The following AMOTL2 variants were observed in gnomAD, a reference collection of about 807,000 sequenced individuals.
AMOTL2 encodes the protein angiomotin-like protein 2.
A neutral mutation model predicts 78.4 loss-of-function variants in AMOTL2; 33 were observed. That is an observed-to-expected ratio of 0.42 (90% CI 0.32 to 0.56). The LOEUF is 0.56. Among genes scored for constraint, AMOTL2 ranks in the 20% least tolerant of loss-of-function variants. AMOTL2 has a pLI of 0.12. For synonymous variants in AMOTL2, 422 were observed against 428.8 expected, an observed-to-expected ratio of 0.98 and a Z score of 0.20; for missense variants, 983 against 1,030.1, an observed-to-expected ratio of 0.95 and a Z score of 0.63.
upstream of AMOTL2, chr3:134,374,785 C>A: frequency 2.0e-6 from 2 of 1,022,098 alleles, no homozygotes; most frequent in Non-Finnish European, 2.3e-6. Flanking sequence ...TGCCCATTAT[C>A]GCCTCCACTC....
chr3:134,358,681 G>A lies in AMOTL2; in HGVS notation c.2143C>T (p.Pro715Ser). 6.2e-7 allele frequency: 1 copy of A among 1,614,186 alleles called. No homozygotes were observed. The highest frequency in any genetic ancestry group is 1.1e-5 in the South Asian group (1 of 91,078). ...CCGTGTTTGGCATGGGCAGCAGGGGGAGCTGTGACCACTGGCTCCTCTGTG... is the reference window on the plus strand; with the variant it reads ...CCGTGTTTGGCATGGGCAGCAGGGGAAGCTGTGACCACTGGCTCCTCTGTG... ...APTEEPVVTAPPAAHAKHGSR... is the reference protein window; with the variant it reads ...APTEEPVVTASPAAHAKHGSR... Residue 715 changes from proline (P) to serine (S), a missense_variant, in exon 9 of 10, where the codon CCC (proline) becomes TCC (serine). Transcript: ENST00000249883.
intron 1 of AMOTL2, 174 bp downstream of exon 1, chr3:134,374,167 CG>C (rs921700187): frequency 2.2e-6 from 2 of 892,390 alleles, no homozygotes; most frequent in Non-Finnish European, 2.7e-6. Context: ...CTGGGCAGAG[CG>C]GCCCTTGCCA....
Position 134,369,880 on chromosome 3 carries a change from T to G in AMOTL2, c.734+820A>C, listed in dbSNP as rs566818976. 4.6e-5 allele frequency among the ~76,000 whole-genome samples: 7 copies of G among 152,298 alleles called. No homozygotes were observed. In the South Asian group the frequency reaches 1.5e-3, roughly 32 times the overall value. On this transcript the variant is annotated intron_variant, in intron 2 of 9. Transcript: ENST00000249883. ...GAAGCGTGAGGCAGGGCCTTGTTTC[T>G]AGGAACACTTATTTCTCCAAACTCT...
At chr3:134,365,394 C>G (rs548095994) in intron 5 of AMOTL2, among the ~76,000 whole-genome samples, 106 of 152,286 alleles carry the variant, frequency 7.0e-4, no homozygotes, top group African/African-American at 2.4e-3. Flanking sequence ...ACCATGCCCC[C>G]CTACCTCTCA....
At chr3:134,368,133 C>G (rs2017692627) in intron 2 of AMOTL2, among the ~76,000 whole-genome samples, 1 of 152,084 alleles carries the variant, frequency 6.6e-6, no homozygotes, top group African/African-American at 2.4e-5. Context: ...CCTGGGCCTC[C>G]TAAGCAACTA....
chr3:134,369,397 T>C (rs1454603284), intron 2 of AMOTL2, among the ~76,000 whole-genome samples: 1 of 152,188 alleles, frequency 6.6e-6, no homozygotes, highest in Non-Finnish European at 1.5e-5. Context: ...CTCCTCGTCC[T>C]CTCCCTCCCC....
In AMOTL2 at chr3:134,370,994, A is replaced by G. The variant is rs774088841; in HGVS notation, c.440T>C (p.Leu147Pro). The change falls in exon 2 of 10, where the codon CTG becomes CCG. Residue 147 changes from leucine (L) to proline (P), a missense_variant. Physicochemically the swap from Leu to Pro is moderately conservative, Grantham distance 98 (BLOSUM62 -3). Transcript: ENST00000249883. ...CACGTGCCCATGCCTCAGCTCCCGCAGGGCCTCGTCCTGCCTCCGACTGCC... is the reference window on the plus strand; with the variant it reads ...CACGTGCCCATGCCTCAGCTCCCGCGGGGCCTCGTCCTGCCTCCGACTGCC... ...PGGSRRQDEALRELRHGHVRS... is the reference protein window; with the variant it reads ...PGGSRRQDEAPRELRHGHVRS... 5.0e-6 allele frequency: 8 copies of G among 1,603,608 alleles called. No individual in the cohort carries two copies. Among genetic ancestry groups the G allele is most frequent in the Admixed American group, 1.7e-5 (1 of 58,420 alleles).
chr3:134,361,472 C>T (rs1257877913), intron 6 of AMOTL2, 40 bp downstream of exon 6: 3 of 1,545,314 alleles, frequency 1.9e-6, no homozygotes, highest in Non-Finnish European at 2.6e-6. Context: ...AAGCCAACAT[C>T]CTCAGATGCT....
chr3:134,366,949 G>A (rs941731100), intron 3 of AMOTL2: 1 of 155,476 alleles, frequency 6.4e-6, no homozygotes, highest in African/African-American at 2.4e-5. Flanking sequence ...ACCAGGCAGA[G>A]CTGCCTCTGC....
At chr3:134,366,241 T>G (rs934451023) in intron 4 of AMOTL2, 42 bp downstream of exon 4, 3 of 1,603,956 alleles carry the variant, frequency 1.9e-6, no homozygotes, top group Non-Finnish European at 2.6e-6. Flanking sequence ...GTAAGTCCTC[T>G]GCAGAGGTTC....
intron 1 of AMOTL2, among the ~76,000 whole-genome samples, chr3:134,372,544 C>CACAA (rs1319777285): frequency 2.0e-4 from 31 of 151,770 alleles, no homozygotes; most frequent in African/African-American, 7.0e-4. Flanking sequence ...CACACACACA[C>CACAA]ACACACACAC....
In AMOTL2 at chr3:134,366,323, A is replaced by C. The variant is rs906853824; in HGVS notation, c.1146T>G (p.Ser382Arg). 5 of 1,613,904 alleles carry C rather than the reference A, an allele frequency of 3.1e-6. No homozygotes were observed. The African/African-American group carries it at 6.7e-5, about 22-fold the overall frequency. ...TGAAGTCTTGCAGCCTCCTCATTTC[A>C]CTGTCCATCTTGTTCCGCATGGTCT... Reference protein sequence around the residue: ...LEKTMRNKMDSEMRRLQDFNR... With the variant: ...LEKTMRNKMDREMRRLQDFNR... The change falls in exon 4 of 10, where the codon AGT becomes AGG. Residue 382 changes from serine (S) to arginine (R), a missense_variant. Physicochemically the swap from Ser to Arg is moderately radical, Grantham distance 110. Transcript: ENST00000249883.
intron 1 of AMOTL2, among the ~76,000 whole-genome samples, chr3:134,372,530 A>AACACACACACACACACACACACACAC (rs58443336): frequency 2.6e-4 from 38 of 144,442 alleles, no homozygotes; most frequent in African/African-American, 7.2e-4. Context: ...TATCCTCCCC[A>AACACACACACACACACACACACACAC]ACACACACAC....
intron 5 of AMOTL2, among the ~76,000 whole-genome samples, chr3:134,365,447 C>A (rs1408529630): frequency 6.6e-6 from 1 of 152,154 alleles, no homozygotes; most frequent in Non-Finnish European, 1.5e-5. Flanking sequence ...GCCAGGAACT[C>A]CCTGGGAAGC....
At chr3:134,358,819 T>C in intron 8 of AMOTL2, 100 bp from the exon 9 acceptor site, 3 of 1,379,782 alleles carry the variant, frequency 2.2e-6, no homozygotes, top group Non-Finnish European at 3.0e-6. Context: ...CAAGGTGGAG[T>C]GGGCTGCTCT....
At position 134,370,794 on chromosome 3, in the gene AMOTL2, G is replaced by T; in HGVS notation, c.640C>A (p.Pro214Thr). 1 of 1,547,222 alleles carries T rather than the reference G, an allele frequency of 6.5e-7. No individual in the cohort carries two copies. The highest frequency in any genetic ancestry group is 8.7e-7 in the Non-Finnish European group (1 of 1,147,404). ...GTCTCATGAGCTAGTACAACATGAG[G>T]GTACTGAGGTGGGGGTCCTCGGGAC... ...PESRGPPPQY[P>T]HVVLAHETTT... The change falls in exon 2 of 10, where the codon CCT becomes ACT. Residue 214 changes from proline to threonine, a missense_variant. Transcript: ENST00000249883.
rs1360336092 is a variant in AMOTL2 at position 134,356,129 on chromosome 3, T to C, written c.*1576A>G. Reference sequence around the variant, plus strand: ...TCTTTCACAATATTTTTTGCCTTTTTTTCCTCTTTTTTCTTTTTGCTTTGT... The same window carrying C: ...TCTTTCACAATATTTTTTGCCTTTTCTTCCTCTTTTTTCTTTTTGCTTTGT... On this transcript the variant is annotated 3_prime_UTR_variant, in exon 10 of 10. Transcript: ENST00000249883. 1 of 152,646 alleles carries C rather than the reference T, an allele frequency of 6.6e-6. No individual in the cohort carries two copies. The highest frequency in any genetic ancestry group is 1.9e-4 in the East Asian group (1 of 5,204). 9.5% of individuals were successfully genotyped at this position (152,646 alleles called of 1,614,324 possible).
chr3:134,367,490 G>T lies in AMOTL2; in HGVS notation c.1041+7C>A. On this transcript the variant is annotated splice_region_variant and intron_variant, in intron 3 of 9. Coordinates refer to ENST00000249883, the MANE Select transcript of AMOTL2 (RefSeq NM_016201.4). Reference sequence around the variant, plus strand: ...GTCTGCCCTTCTGAAGCCCCAGCAGGGCCTACCTTCTCAATGCGGCCAGCC... The same window carrying T: ...GTCTGCCCTTCTGAAGCCCCAGCAGTGCCTACCTTCTCAATGCGGCCAGCC... 1 of 1,611,046 alleles carries T rather than the reference G, an allele frequency of 6.2e-7. No homozygotes were observed. Among genetic ancestry groups the T allele is most frequent in the Non-Finnish European group, 8.5e-7 (1 of 1,179,672 alleles).
rs1034212841 is a variant in AMOTL2 at position 134,355,804 on chromosome 3, C to G, written c.*1901G>C. ...GGTCCTTGAAGAGATTGGACTATGA[C>G]TTGGGTGGCCCCCCAAAATCCTCAC... On this transcript the variant is annotated 3_prime_UTR_variant, in exon 10 of 10. Coordinates refer to ENST00000249883, the MANE Select transcript of AMOTL2 (RefSeq NM_016201.4). 3 of 152,678 alleles carry G rather than the reference C, an allele frequency of 2.0e-5. No homozygotes were observed. The highest frequency in any genetic ancestry group is 6.5e-5 in the Admixed American group (1 of 15,282). The allele number at this position is 152,678 out of a possible 1,614,324, so 9.5% of individuals were successfully genotyped here.
Sources: gnomAD v4.1 joint callset for allele counts (sites outside exome capture counted in the v4.1 genomes callset) on GRCh38, gnomAD v4.1.1 for gene constraint, MANE v1.5 for transcripts, NCBI Gene and HGNC (gene_info 2026-07-23, HGNC 2026-07-21) for gene names.